The following VWA2 variants were observed in gnomAD, a reference collection of about 807,000 sequenced individuals.
VWA2 encodes von Willebrand factor A domain-containing protein 2.
Under a neutral mutation model 70.4 loss-of-function variants are expected in VWA2, and 73 were observed. The ratio of observed to expected loss-of-function variants is 1.04; its 90% CI spans 0.86 to 1.26. The LOEUF is 1.26. Among genes scored for constraint, VWA2 ranks in the 50% most tolerant of loss-of-function variants. The pLI is 0.00. For synonymous variants in VWA2, 407 were observed against 423.3 expected, an observed-to-expected ratio of 0.96 and a Z score of 0.47; for missense variants, 1,011 against 998.5, an observed-to-expected ratio of 1.01 and a Z score of -0.17.
intron 5 of VWA2, among the ~76,000 whole-genome samples, chr10:114,266,033 C>T (rs2037555890): frequency 6.6e-6 from 1 of 152,090 alleles, no homozygotes; most frequent in Admixed American, 6.6e-5. Flanking sequence ...CGCGGTGGCT[C>T]ACGTCTGTAA....
chr10:114,282,197 C>T (rs1438481871), intron 8 of VWA2, among the ~76,000 whole-genome samples: 19 of 151,832 alleles, frequency 1.3e-4, no homozygotes, highest in Admixed American at 1.2e-3. Context: ...AGAGACGGGG[C>T]TTCACCATGT....
chr10:114,255,111 G>C, intron 4 of VWA2, 63 bp downstream of exon 4: 1 of 1,587,296 alleles, frequency 6.3e-7, no homozygotes, highest in Non-Finnish European at 8.6e-7. Context: ...ACAGAAACCC[G>C]GTCTCAAGCA....
chr10:114,266,122 C>A (rs1184553982), intron 5 of VWA2, among the ~76,000 whole-genome samples: 4 of 152,034 alleles, frequency 2.6e-5, no homozygotes, highest in African/African-American at 9.7e-5. Context: ...ACGGTGAAAC[C>A]CCATCTCTAC....
chr10:114,278,176 C>T (rs1589765485), intron 7 of VWA2, 129 bp downstream of exon 7: 1 of 1,324,148 alleles, frequency 7.6e-7, no homozygotes, highest in African/African-American at 1.5e-5. Flanking sequence ...AGACCGGCAG[C>T]CTCCACCCTG....
At chr10:114,291,004 C>A (rs896081130) in intron 13 of VWA2, among the ~76,000 whole-genome samples, 1 of 152,036 alleles carries the variant, frequency 6.6e-6, no homozygotes, top group African/African-American at 2.4e-5. Context: ...CCAGTCGGAG[C>A]CTTGGTTTTT....
Position 114,282,541 on chromosome 10 carries a change from C to T in VWA2, c.859C>T (p.Pro287Ser), listed in dbSNP as rs748713680. 1.9e-6 allele frequency: 3 copies of T among 1,614,062 alleles called. No homozygotes were observed. Among genetic ancestry groups the T allele is most frequent in the Non-Finnish European group, 2.5e-6 (3 of 1,179,988 alleles). Residue 287 changes from proline (P) to serine (S), a missense_variant, in exon 9 of 14, where the codon CCT becomes TCT. Coordinates refer to ENST00000392982, the MANE Select transcript of VWA2 (RefSeq NM_001272046.2). ...CTGGAAGAGAGTGTTCCTAACCCAC[C>T]CTGCCACCTGCTACAGGACCACCTG... ...YSWKRVFLTHPATCYRTTCPG... is the reference protein window; with the variant it reads ...YSWKRVFLTHSATCYRTTCPG...
intron 2 of VWA2, 122 bp downstream of exon 2, chr10:114,248,887 T>A: frequency 1.1e-6 from 1 of 921,938 alleles, no homozygotes; most frequent in South Asian, 1.3e-5. Context: ...CTCCCCTCCA[T>A]GGCCACCTCC....
At chr10:114,268,514 A>G (rs2037623876) in intron 5 of VWA2, among the ~76,000 whole-genome samples, 1 of 152,038 alleles carries the variant, frequency 6.6e-6, no homozygotes. Flanking sequence ...ATATATAGGT[A>G]AACATAGGTT....
At position 114,291,874 on chromosome 10, in the gene VWA2, C is replaced by G; in HGVS notation, c.*637C>G. Among the ~76,000 whole-genome samples the G allele has an allele frequency of 6.6e-6, 1 of 152,174 alleles. No individual in the cohort carries two copies. Among genetic ancestry groups the G allele is most frequent in the East Asian group, 1.9e-4 (1 of 5,194 alleles). On this transcript the variant is annotated 3_prime_UTR_variant, in exon 14 of 14. Coordinates refer to ENST00000392982, the MANE Select transcript of VWA2 (RefSeq NM_001272046.2). ...GACTGAAATGTGACCAATTAACCAG[C>G]TTGTTTGATGATGGGGGAGGGGCTG...
In VWA2 at chr10:114,291,964, AC is replaced by A. The variant is rs1384621147; in HGVS notation, c.*729del. ...TCGTTCTGAGTCGTGAGCAGTGTCC[AC>A]CTGAAGGGTCTTCCTTTCAAAAGAG... On this transcript the variant is annotated 3_prime_UTR_variant, in exon 14 of 14. Transcript: ENST00000392982. Among the ~76,000 whole-genome samples, 2 of 152,152 alleles carry A rather than the reference AC, an allele frequency of 1.3e-5. No homozygotes were observed. The highest frequency in any genetic ancestry group is 4.8e-5 in the African/African-American group (2 of 41,436).
chr10:114,288,889 G>C (rs771831377), intron 11 of VWA2, 49 bp from the exon 12 acceptor site: 1 of 1,558,938 alleles, frequency 6.4e-7, no homozygotes, highest in South Asian at 1.2e-5. Context: ...CCGTCGAGGG[G>C]CTCTGACTGG....
chr10:114,249,964 G>A (rs972498203), intron 2 of VWA2, among the ~76,000 whole-genome samples: 1 of 151,616 alleles, frequency 6.6e-6, no homozygotes, highest in Non-Finnish European at 1.5e-5. Flanking sequence ...CTTGCTCCCC[G>A]CCACCAAAAA....
intron 5 of VWA2, 92 bp from the exon 6 acceptor site, chr10:114,272,648 A>G (rs1322297760): frequency 3.4e-6 from 4 of 1,174,858 alleles, no homozygotes; most frequent in African/African-American, 1.6e-5. Flanking sequence ...TTCGCTAATA[A>G]CGGAAGAGCT....
At chr10:114,246,265 C>G in intron 1 of VWA2, 1 of 714,176 alleles carries the variant, frequency 1.4e-6, no homozygotes, top group Non-Finnish European at 2.5e-6. Context: ...CTTCGGGAGG[C>G]CGAGGCGGTC....
At chr10:114,252,759 C>T (rs978693008) in intron 2 of VWA2, among the ~76,000 whole-genome samples, 21 of 152,010 alleles carry the variant, frequency 1.4e-4, no homozygotes, top group South Asian at 2.1e-4. Flanking sequence ...CCAGCACACC[C>T]GGCTAATTTT....
rs2037742383 is a variant in VWA2 at position 114,272,848 on chromosome 10, G to A, written c.480G>A (p.Gly160=). The A allele has an allele frequency of 6.2e-7, 1 of 1,613,972 alleles. No individual in the cohort carries two copies. Among genetic ancestry groups the A allele is most frequent in the Non-Finnish European group, 8.5e-7 (1 of 1,180,006 alleles). The change falls in exon 6 of 14, where the codon GGG becomes GGA. Residue 160 remains glycine, a synonymous_variant. Coordinates refer to ENST00000392982, the MANE Select transcript of VWA2 (RefSeq NM_001272046.2). ...VPQILIIVTD[G]KSQGDVALPS... is the part of the protein sequence containing the mutation. ...AGATCCTCATCATCGTCACTGATGGGAAGTCCCAGGGGGATGTGGCACTGC... is the reference window on the plus strand; with the variant it reads ...AGATCCTCATCATCGTCACTGATGGAAAGTCCCAGGGGGATGTGGCACTGC...
intron 13 of VWA2, 107 bp downstream of exon 13, chr10:114,290,472 GA>G: frequency 6.9e-7 from 1 of 1,458,092 alleles, no homozygotes; most frequent in Admixed American, 2.1e-5. Context: ...TCGTTCAGTG[GA>G]AGAAATTATT....
chr10:114,269,694 A>G (rs551809707), intron 5 of VWA2, among the ~76,000 whole-genome samples: 4 of 152,356 alleles, frequency 2.6e-5, no homozygotes, highest in Admixed American at 2.6e-4. Flanking sequence ...CCTGTGAGAA[A>G]CAGAAAAGAG....
At chr10:114,256,129 A>G (rs1300862870) in intron 4 of VWA2, among the ~76,000 whole-genome samples, 3 of 152,256 alleles carry the variant, frequency 2.0e-5, no homozygotes, top group Non-Finnish European at 4.4e-5. Context: ...TACAGTACAC[A>G]TGCCCATGCA....
Sources: gnomAD v4.1 joint callset for allele counts (sites outside exome capture counted in the v4.1 genomes callset) on GRCh38, gnomAD v4.1.1 for gene constraint, MANE v1.5 for transcripts, NCBI Gene and HGNC (gene_info 2026-07-23, HGNC 2026-07-21) for gene names.